Variants in FHOD3 observed in about 807,000 individuals in gnomAD.
The protein encoded by FHOD3 is FH1/FH2 domain-containing protein 3.
Under a neutral mutation model 173.0 loss-of-function variants are expected in FHOD3, and 90 were observed. The ratio of observed to expected loss-of-function variants is 0.52; its 90% CI spans 0.44 to 0.62. The LOEUF (loss-of-function observed/expected upper bound fraction) is 0.62, where lower values mean the gene tolerates loss of function less well. FHOD3 is among the 20% of genes least tolerant of loss of function. The pLI is 0.00. For missense variants in FHOD3, 1,945 were observed against 2,034.7 expected (o/e 0.96, Z 0.85); for synonymous variants, 828 against 823.0 (o/e 1.01, Z -0.10).
chr18:36,556,416 G>A (rs1175718000), intron 5 of FHOD3, among the ~76,000 whole-genome samples: 1 of 152,114 alleles, frequency 6.6e-6, no homozygotes, highest in Non-Finnish European at 1.5e-5. Flanking sequence ...TGGTGGTTTA[G>A]CAGACCCAAC....
intron 28 of FHOD3, 23 bp from the exon 29 acceptor site, chr18:36,779,425 T>C: frequency 6.2e-7 from 1 of 1,612,238 alleles, no homozygotes; most frequent in East Asian, 2.2e-5. Context: ...TCCCTTTGGG[T>C]GTGACCTGCA....
intron 5 of FHOD3, among the ~76,000 whole-genome samples, chr18:36,533,298 G>A (rs1358819685): frequency 1.3e-5 from 2 of 152,210 alleles, no homozygotes; most frequent in East Asian, 3.9e-4. Context: ...TGGATGCATC[G>A]CGGCTTGTAG....
At chr18:36,309,079 A>G (rs1336095115) in intron 1 of FHOD3, among the ~76,000 whole-genome samples, 2 of 150,724 alleles carry the variant, frequency 1.3e-5, no homozygotes, top group East Asian at 4.0e-4. Context: ...GCTGTCCTGG[A>G]TGGTGTGGGC....
At chr18:36,315,717 G>A (rs1259824932) in intron 1 of FHOD3, among the ~76,000 whole-genome samples, 1 of 152,230 alleles carries the variant, frequency 6.6e-6, no homozygotes, top group Non-Finnish European at 1.5e-5. Context: ...TCCTCTGGCA[G>A]CCTGCCTTGC....
At chr18:36,410,092 C>T (rs2049278261) in intron 3 of FHOD3, among the ~76,000 whole-genome samples, 1 of 152,130 alleles carries the variant, frequency 6.6e-6, no homozygotes, top group African/African-American at 2.4e-5. Flanking sequence ...AGTTATGCAA[C>T]CATCACTACA....
At chr18:36,494,011 C>T (rs1006454828) in intron 3 of FHOD3, among the ~76,000 whole-genome samples, 2 of 152,182 alleles carry the variant, frequency 1.3e-5, no homozygotes, top group African/African-American at 2.4e-5. Context: ...CTTTCACTCC[C>T]CTACTTCCGT....
chr18:36,584,936 A>G (rs1247218171), intron 6 of FHOD3, among the ~76,000 whole-genome samples: 1 of 152,144 alleles, frequency 6.6e-6, no homozygotes, highest in Non-Finnish European at 1.5e-5. Context: ...TTACCTAGAA[A>G]CACTACCACA....
At chr18:36,463,895 A>G (rs2144834453) in intron 3 of FHOD3, among the ~76,000 whole-genome samples, 1 of 152,286 alleles carries the variant, frequency 6.6e-6, no homozygotes, top group Non-Finnish European at 1.5e-5. Context: ...AAATCTAATT[A>G]TTTTTCTTTA....
chr18:36,512,104 CAGTCCCTTGGGACCGTGGGGG>C (rs1250558107), intron 4 of FHOD3, among the ~76,000 whole-genome samples: 2 of 152,246 alleles, frequency 1.3e-5, no homozygotes, highest in Non-Finnish European at 2.9e-5. Flanking sequence ...TCTCCGTGGC[CAGTCCCTTGGGACCGTGGGGG>C]AGTAGAGCCT....
intron 23 of FHOD3, 114 bp downstream of exon 23, chr18:36,744,307 C>A: frequency 9.9e-7 from 1 of 1,010,036 alleles, no homozygotes; most frequent in Non-Finnish European, 1.4e-6. Flanking sequence ...GTGCTGCCTG[C>A]ATTCTCTGCT....
intron 15 of FHOD3, among the ~76,000 whole-genome samples, chr18:36,686,101 G>A (rs2038595142): frequency 6.6e-6 from 1 of 151,964 alleles, no homozygotes; most frequent in African/African-American, 2.4e-5. Context: ...CCGATTACTG[G>A]GTATATACCC....
intron 18 of FHOD3, among the ~76,000 whole-genome samples, chr18:36,712,639 G>A (rs890651981): frequency 1.3e-5 from 2 of 152,088 alleles, no homozygotes; most frequent in Non-Finnish European, 2.9e-5. Flanking sequence ...AATAAGACTC[G>A]ATCTAACGCC....
intron 24 of FHOD3, 54 bp from the exon 25 acceptor site, chr18:36,755,065 T>A: frequency 8.4e-7 from 1 of 1,193,614 alleles, no homozygotes; most frequent in Non-Finnish European, 1.1e-6. Flanking sequence ...TTTAGACAAG[T>A]AATTTTTATT....
intron 6 of FHOD3, among the ~76,000 whole-genome samples, chr18:36,580,670 C>T (rs1344388715): frequency 6.6e-6 from 1 of 152,190 alleles, no homozygotes; most frequent in Non-Finnish European, 1.5e-5. Context: ...GATACTCTTC[C>T]CTCACCCCCA....
intron 1 of FHOD3, among the ~76,000 whole-genome samples, chr18:36,342,604 T>G (rs2045677843): frequency 6.6e-6 from 1 of 152,176 alleles, no homozygotes; most frequent in South Asian, 2.1e-4. Context: ...ATTCTTTATC[T>G]AGCAAAACGT....
At position 36,709,300 on chromosome 18, in the gene FHOD3, G is replaced by A. The variant is rs755368340; in HGVS notation, c.2442G>A (p.Arg814=). 14 of 1,614,234 alleles carry A rather than the reference G, an allele frequency of 8.7e-6. No individual in the cohort carries two copies. Among genetic ancestry groups the A allele is most frequent in the Non-Finnish European group, 1.0e-5 (12 of 1,180,046 alleles). The change falls in exon 18 of 29, where the codon AGG becomes AGA. Residue 814 remains arginine (R), a synonymous_variant. Transcript: ENST00000590592. ...KERQNEGVNE[R]DNCSASSVSS... ...GGCAGAACGAGGGGGTGAACGAGAG[G>A]GACAACTGCTCTGCCTCCAGCGTCT...
intron 18 of FHOD3, among the ~76,000 whole-genome samples, chr18:36,715,190 C>T (rs1427998193): frequency 6.6e-6 from 1 of 152,232 alleles, no homozygotes; most frequent in Admixed American, 6.5e-5. Flanking sequence ...CCCCACAGGT[C>T]ATGGGAGGGA....
intron 5 of FHOD3, among the ~76,000 whole-genome samples, chr18:36,512,869 G>A (rs1178679718): frequency 6.6e-6 from 1 of 152,150 alleles, no homozygotes; most frequent in East Asian, 1.9e-4. Flanking sequence ...GGTAAAGCCT[G>A]CATCTCAGCA....
chr18:36,356,801 A>G lies in FHOD3; in HGVS notation c.272+1156A>G, dbSNP rs141675595. On this transcript the variant is annotated intron_variant, in intron 2 of 28. Transcript: ENST00000590592. ...CAGGCGTGTGCCACCACGCCCTGCT[A>G]ATTTTTGTATTTTTTAGTAGAGATG... Among the ~76,000 whole-genome samples, 1,318 of 151,818 alleles carry G rather than the reference A, an allele frequency of 8.7e-3. 22 individuals carry two copies. The highest frequency in any genetic ancestry group is 0.031 in the African/African-American group (1,276 of 41,368).
Sources: allele counts gnomAD v4.1 joint callset (sites outside exome capture counted in the v4.1 genomes callset), GRCh38; gene constraint gnomAD v4.1.1; transcripts MANE v1.5; gene names NCBI Gene and HGNC (gene_info 2026-07-23, HGNC 2026-07-21).